The following SLC30A8 variants were observed in gnomAD, a reference collection of about 807,000 sequenced individuals.
SLC30A8 encodes the protein proton-coupled zinc antiporter SLC30A8.
A neutral mutation model predicts 36.9 loss-of-function variants in SLC30A8; 27 were observed. The ratio of observed to expected loss-of-function variants is 0.73; its 90% CI spans 0.54 to 1.01. SLC30A8 has a LOEUF of 1.01. SLC30A8 is among the 50% of genes least tolerant of loss of function. The probability of loss-of-function intolerance (pLI) is 0.00; values close to 1 mark genes in which losing one functional copy is unlikely to be tolerated. For missense variants in SLC30A8, 439 were observed against 452.0 expected, an observed-to-expected ratio of 0.97 and a Z score of 0.26; for synonymous variants, 164 against 172.4, an observed-to-expected ratio of 0.95 and a Z score of 0.38.
At position 117,001,441 on chromosome 8, in the gene SLC30A8, G is replaced by A. The variant is rs77555092; in HGVS notation, c.-265-37778G>A. On this transcript the variant is annotated intron_variant, in intron 1 of 10. Transcript: ENST00000427715. Reference sequence around the variant, plus strand: ...ACTATCTCTCTTCTCAGTTATATGAGTGAATGCATCTCTTTTATTGTTTAT... The same window carrying A: ...ACTATCTCTCTTCTCAGTTATATGAATGAATGCATCTCTTTTATTGTTTAT... Among the ~76,000 whole-genome samples, 979 of 152,228 alleles carry A rather than the reference G, an allele frequency of 6.4e-3. 13 individuals carry two copies. The highest frequency in any genetic ancestry group is 0.023 in the African/African-American group (940 of 41,526).
chr8:117,058,326 G>A (rs1817929839), intron 2 of SLC30A8, among the ~76,000 whole-genome samples: 2 of 151,974 alleles, frequency 1.3e-5, no homozygotes, highest in African/African-American at 2.4e-5. Context: ...CTCCCATTCT[G>A]TGGATTGCCT....
chr8:117,046,440 G>T (rs1347943003), intron 2 of SLC30A8, among the ~76,000 whole-genome samples: 1 of 152,108 alleles, frequency 6.6e-6, no homozygotes, highest in African/African-American at 2.4e-5. Context: ...TACAAATATG[G>T]CAGATAGAAT....
At chr8:117,092,421 A>T (rs981290246) in intron 2 of SLC30A8, among the ~76,000 whole-genome samples, 4 of 152,138 alleles carry the variant, frequency 2.6e-5, no homozygotes, top group African/African-American at 9.7e-5. Flanking sequence ...GGAAAAAAAA[A>T]AACCCTTTGG....
At chr8:117,096,917 G>C (rs1819389047) in intron 2 of SLC30A8, among the ~76,000 whole-genome samples, 1 of 152,004 alleles carries the variant, frequency 6.6e-6, no homozygotes, top group African/African-American at 2.4e-5. Context: ...GGCACTCGTT[G>C]TCTTATTACT....
intron 3 of SLC30A8, among the ~76,000 whole-genome samples, chr8:117,157,191 T>G (rs1302894986): frequency 6.6e-6 from 1 of 152,222 alleles, no homozygotes; most frequent in Non-Finnish European, 1.5e-5. Context: ...TATGTTGCGT[T>G]GGCAAATAAA....
chr8:117,151,984 T>C (rs1281214597), intron 2 of SLC30A8, among the ~76,000 whole-genome samples: 1 of 152,174 alleles, frequency 6.6e-6, no homozygotes, highest in East Asian at 1.9e-4. Flanking sequence ...CAATGGCCTG[T>C]GGGGATTATT....
chr8:117,092,673 A>G (rs1484641165), intron 2 of SLC30A8, among the ~76,000 whole-genome samples: 1 of 152,232 alleles, frequency 6.6e-6, no homozygotes, highest in Non-Finnish European at 1.5e-5. Flanking sequence ...GTAGAATGTA[A>G]GAAACAGAGC....
At chr8:117,091,521 C>T (rs1038795670) in intron 2 of SLC30A8, among the ~76,000 whole-genome samples, 9 of 151,912 alleles carry the variant, frequency 5.9e-5, no homozygotes, top group Non-Finnish European at 1.0e-4. Flanking sequence ...TCATGGCAAG[C>T]GTATGGTAAA....
intron 1 of SLC30A8, among the ~76,000 whole-genome samples, chr8:117,000,833 A>C (rs1815985633): frequency 6.6e-6 from 1 of 152,148 alleles, no homozygotes; most frequent in Admixed American, 6.5e-5. Context: ...ACCTTTCTAG[A>C]CTTAATTTAT....
At chr8:117,034,247 T>C (rs1817141587) in intron 1 of SLC30A8, among the ~76,000 whole-genome samples, 1 of 152,146 alleles carries the variant, frequency 6.6e-6, no homozygotes. Flanking sequence ...GTAATGCATG[T>C]ACATGAACAA....
chr8:117,061,888 G>A (rs1273424501), intron 2 of SLC30A8, among the ~76,000 whole-genome samples: 1 of 152,226 alleles, frequency 6.6e-6, no homozygotes, highest in Non-Finnish European at 1.5e-5. Flanking sequence ...GAGGGACAAA[G>A]TCTGCAAGTG....
At chr8:117,069,641 T>C (rs2130796684) in intron 2 of SLC30A8, among the ~76,000 whole-genome samples, 1 of 152,366 alleles carries the variant, frequency 6.6e-6, no homozygotes, top group Middle Eastern at 3.4e-3. Flanking sequence ...TACATTTTAT[T>C]ATCTTCATCT....
rs1298087858 is a variant in SLC30A8 at position 117,174,713 on chromosome 8, T to TAA, written c.*2033_*2034dup. On this transcript the variant is annotated 3_prime_UTR_variant, in exon 8 of 8. Coordinates refer to ENST00000456015, the MANE Select transcript of SLC30A8 (RefSeq NM_173851.3). ...TGAAAATCATGTTTAGATTTGATTT[T>TAA]AAGTCAGAAATTCACTGAATGTCAG... The TAA allele has an allele frequency of 6.6e-6, 1 of 152,578 alleles. No homozygotes were observed. The highest frequency in any genetic ancestry group is 2.4e-5 in the African/African-American group (1 of 41,454). 9.5% of individuals were successfully genotyped at this position (152,578 alleles called of 1,614,324 possible).
At chr8:116,996,493 G>C (rs1815824409) in intron 1 of SLC30A8, among the ~76,000 whole-genome samples, 1 of 151,964 alleles carries the variant, frequency 6.6e-6, no homozygotes, top group Non-Finnish European at 1.5e-5. Context: ...ATTTTTTTGT[G>C]GTGAGGGTAC....
intron 1 of SLC30A8, among the ~76,000 whole-genome samples, chr8:116,960,679 T>C (rs892330610): frequency 6.6e-6 from 1 of 152,232 alleles, no homozygotes; most frequent in Non-Finnish European, 1.5e-5. Context: ...TGACTAAATA[T>C]ATTTGGAATA....
At chr8:117,004,947 T>C (rs894639562) in intron 1 of SLC30A8, among the ~76,000 whole-genome samples, 6 of 152,132 alleles carry the variant, frequency 3.9e-5, no homozygotes, top group Non-Finnish European at 7.3e-5. Flanking sequence ...AATTCTCTTA[T>C]ATTGGAATAA....
At chr8:117,028,285 A>T (rs1166525296) in intron 1 of SLC30A8, among the ~76,000 whole-genome samples, 2 of 152,240 alleles carry the variant, frequency 1.3e-5, no homozygotes, top group Admixed American at 6.5e-5. Flanking sequence ...TGGTATTTTT[A>T]AAATGCAGCA....
At chr8:117,111,755 C>T (rs6981381) in intron 2 of SLC30A8, among the ~76,000 whole-genome samples, 8,652 of 152,164 alleles carry the variant, frequency 0.057, 289 homozygotes, top group East Asian at 0.12. Context: ...GCCATGAAGT[C>T]GACCTGGAGG....
intron 2 of SLC30A8, among the ~76,000 whole-genome samples, chr8:117,068,748 T>G (rs913826203): frequency 3.9e-5 from 6 of 152,120 alleles, no homozygotes; most frequent in Non-Finnish European, 7.4e-5. Flanking sequence ...GGCTAATTTC[T>G]GTATTTTTAG....
Sources: gnomAD v4.1 joint callset for allele counts (sites outside exome capture counted in the v4.1 genomes callset) on GRCh38, gnomAD v4.1.1 for gene constraint, MANE v1.5 for transcripts, NCBI Gene and HGNC (gene_info 2026-07-23, HGNC 2026-07-21) for gene names.